The following ZNF444 variants were observed in gnomAD, a reference collection of about 807,000 sequenced individuals.
ZNF444 encodes the protein zinc finger protein 444.
ZNF444 carries 8 observed loss-of-function variants against 14.4 expected under a neutral mutation model. The observed-to-expected ratio is 0.56, with a 90% CI of 0.33 to 1.00. The LOEUF (loss-of-function observed/expected upper bound fraction) is 1.00, where lower values mean the gene tolerates loss of function less well. Ranked by LOEUF, ZNF444 falls within the 50% of genes least tolerant of loss-of-function variation. The pLI is 0.03. For missense variants in ZNF444, 510 were observed against 504.8 expected, an observed-to-expected ratio of 1.01 and a Z score of -0.10; for synonymous variants, 258 against 235.9, an observed-to-expected ratio of 1.09 and a Z score of -0.86.
chr19:56,145,061 T>G lies in ZNF444; in HGVS notation c.-196-1186T>G, dbSNP rs1359745721. On this transcript the variant is annotated intron_variant, in intron 1 of 4. Coordinates refer to ENST00000337080, the MANE Select transcript of ZNF444 (RefSeq NM_018337.4). The surrounding 1 kb of genome is among the most constrained non-coding windows in gnomAD (Gnocchi z 4.3). ...CGGCCGTGGACAGCGCGTGAGCAAG[T>G]GGGCGTGGATGTGCGCCAGTGAGAC... Among the ~76,000 whole-genome samples the G allele has an allele frequency of 6.6e-6, 1 of 152,250 alleles. No homozygotes were observed. Among genetic ancestry groups the G allele is most frequent in the Non-Finnish European group, 1.5e-5 (1 of 68,048 alleles).
At chr19:56,151,617 G>A (rs1230780229) in intron 3 of ZNF444, 1 of 396,864 alleles carries the variant, frequency 2.5e-6, no homozygotes, top group African/African-American at 3.4e-5. Context: ...TGTGGATTGG[G>A]GTTTCTTGGC....
chr19:56,138,792 C>CTTTTTTTTTT (rs59273024), upstream of ZNF444, among the ~76,000 whole-genome samples: 3 of 92,846 alleles, frequency 3.2e-5, no homozygotes, highest in Non-Finnish European at 3.8e-5. Flanking sequence ...CTTGAATGTA[C>CTTTTTTTTTT]TTTTTTTTTT....
In ZNF444 at chr19:56,146,965, C is replaced by A. The variant is rs376596929; in HGVS notation, c.54C>A (p.Ser18=). 1.7e-5 allele frequency: 25 copies of A among 1,442,788 alleles called. No homozygotes were observed. The highest frequency in any genetic ancestry group is 1.1e-4 in the East Asian group (4 of 35,128). The allele number at this position is 1,442,788 out of a possible 1,614,324, so 89.4% of individuals were successfully genotyped here. Residue 18 remains serine, a synonymous_variant, in exon 3 of 5, where the codon TCC becomes TCA. Coordinates refer to ENST00000337080, the MANE Select transcript of ZNF444 (RefSeq NM_018337.4). ...KQEAEGLALD[S]PWHRFRRFHL... ...AGGCCGAGGGCCTGGCGCTGGACTC[C>A]CCGTGGCACCGCTTCCGCCGCTTCC... is the stretch of plus-strand genomic sequence containing the variant.
Position 56,160,229 on chromosome 19 carries a change from C to T in ZNF444, c.*28C>T. ...GCCTCCCGGCCAGCGCCATCTCCCG[C>T]CCTTGGTGCTGCCCCCGGGCGGTAC... On this transcript the variant is annotated 3_prime_UTR_variant, in exon 5 of 5. Transcript: ENST00000337080. 1 of 1,408,968 alleles carries T rather than the reference C, an allele frequency of 7.1e-7. No individual in the cohort carries two copies. Among genetic ancestry groups the T allele is most frequent in the Non-Finnish European group, 9.1e-7 (1 of 1,093,036 alleles). The allele number at this position is 1,408,968 out of a possible 1,614,324, so 87.3% of individuals were successfully genotyped here.
rs1487771035 is a variant in ZNF444, at chr19:56,147,888, C to A, written c.297+680C>A. 6.6e-6 allele frequency among the ~76,000 whole-genome samples: 1 copy of A among 152,158 alleles called. No individual in the cohort carries two copies. The highest frequency in any genetic ancestry group is 2.4e-5 in the African/African-American group (1 of 41,422). ...CACACAGCAGGCAAGGGCCGACTCA[C>A]GTTCTGGGTGAAGTCTTGGTGCACA... On this transcript the variant is annotated intron_variant, in intron 3 of 4. Coordinates refer to ENST00000337080, the MANE Select transcript of ZNF444 (RefSeq NM_018337.4). The surrounding 1 kb of genome is among the most constrained non-coding windows in gnomAD (Gnocchi z 5.9).
At chr19:56,146,790 A>C (rs1441718788) in intron 2 of ZNF444, 100 bp from the exon 3 acceptor site, 1 of 1,002,676 alleles carries the variant, frequency 1.0e-6, no homozygotes, top group African/African-American at 1.7e-5. Context: ...CCGTCTCAAA[A>C]AATAAAAAGT....
chr19:56,159,698 A>G lies in ZNF444; in HGVS notation c.481A>G (p.Ser161Gly). The G allele has an allele frequency of 6.5e-7, 1 of 1,545,110 alleles. No individual in the cohort carries two copies. Among genetic ancestry groups the G allele is most frequent in the Non-Finnish European group, 8.7e-7 (1 of 1,149,866 alleles). Reference protein sequence around the residue: ...QAVRPYKQEPSSPPLAPGLPA... With the variant: ...QAVRPYKQEPGSPPLAPGLPA... ...TGTGCGCCCCTACAAGCAGGAGCCC[A>G]GCAGCCCCCCGCTGGCGCCTGGCCT... Residue 161 changes from serine to glycine, a missense_variant, in exon 5 of 5, where the codon AGC becomes GGC. By Grantham distance (56) the Ser-to-Gly change is moderately conservative. Coordinates refer to ENST00000337080, the MANE Select transcript of ZNF444 (RefSeq NM_018337.4).
chr19:56,146,984 C>A lies in ZNF444; in HGVS notation c.73C>A (p.Arg25Ser). ...ALDSPWHRFR[R>S]FHLGDAPGPR... The stretch of plus-strand genomic sequence containing the variant: ...GGACTCCCCGTGGCACCGCTTCCGC[C>A]GCTTCCACCTGGGCGACGCGCCGGG... Residue 25 changes from arginine (R) to serine (S), a missense_variant, in exon 3 of 5, where the codon CGC (arginine) becomes AGC (serine). Coordinates refer to ENST00000337080, the MANE Select transcript of ZNF444 (RefSeq NM_018337.4). 6.9e-7 allele frequency: 1 copy of A among 1,439,684 alleles called. No homozygotes were observed. Among genetic ancestry groups the A allele is most frequent in the Non-Finnish European group, 9.0e-7 (1 of 1,105,662 alleles). The allele number at this position is 1,439,684 out of a possible 1,614,324, so 89.2% of individuals were successfully genotyped here. A position where few individuals can be genotyped will look rare whatever the true frequency, so the allele number is the denominator to read the frequency against.
intron 1 of ZNF444, among the ~76,000 whole-genome samples, chr19:56,133,390 C>T (rs2030535071): frequency 1.3e-5 from 2 of 152,180 alleles, no homozygotes; most frequent in South Asian, 4.2e-4. Context: ...CCTTCTTGAG[C>T]CTCAGTTTCC....
rs550533251 is a variant in ZNF444, at chr19:56,134,311, A to T, written c.-197+1533A>T. On this transcript the variant is annotated intron_variant, in intron 1 of 2. Transcript: ENST00000587467. ...AGGTATGAGCTAAATTTGCTGTCAA[A>T]GGAATTCTCGCCCTCAGGCCTGGGA... is the stretch of plus-strand genomic sequence containing the variant. Among the ~76,000 whole-genome samples, 4 of 152,266 alleles carry T rather than the reference A, an allele frequency of 2.6e-5. No individual in the cohort carries two copies. In the East Asian group the frequency reaches 7.7e-4, roughly 29 times the overall value.
upstream of ZNF444, among the ~76,000 whole-genome samples, chr19:56,139,548 T>C (rs2030693419): frequency 6.6e-6 from 1 of 152,040 alleles, no homozygotes; most frequent in African/African-American, 2.4e-5. Context: ...TAGCTGGGCA[T>C]GGTGGTGCAC....
Position 56,144,597 on chromosome 19 carries a change from G to A in ZNF444, c.-196-1650G>A, listed in dbSNP as rs949108981. Among the ~76,000 whole-genome samples the A allele has an allele frequency of 6.6e-6, 1 of 152,200 alleles. No homozygotes were observed. Among genetic ancestry groups the A allele is most frequent in the African/African-American group, 2.4e-5 (1 of 41,450 alleles). On this transcript the variant is annotated intron_variant, in intron 1 of 4. Transcript: ENST00000337080. The surrounding 1 kb of genome is among the most constrained non-coding windows in gnomAD (Gnocchi z 4.0). The stretch of plus-strand genomic sequence containing the variant: ...GTCCCAGCAATGAGATGACGTTTGT[G>A]GTTAGTGACATGGCGGTCAGGAGCC...
chr19:56,138,473 A>G (rs1297601069), upstream of ZNF444, among the ~76,000 whole-genome samples: 2 of 148,404 alleles, frequency 1.3e-5, no homozygotes. Context: ...CAAAAAAAAG[A>G]AAAAAAAAAA....
intron 3 of ZNF444, among the ~76,000 whole-genome samples, chr19:56,152,223 T>C (rs1446255118): frequency 6.6e-6 from 1 of 151,608 alleles, no homozygotes; most frequent in Non-Finnish European, 1.5e-5. Context: ...TCCCAGCTAC[T>C]CAGGAAGCTG....
rs766565433 is a variant in ZNF444, at chr19:56,160,087, C to T, written c.870C>T (p.Arg290=). Residue 290 remains arginine (R), a synonymous_variant, in exon 5 of 5, where the codon CGC becomes CGT. Coordinates refer to ENST00000337080, the MANE Select transcript of ZNF444 (RefSeq NM_018337.4). ...AGTGTGGCAAGGGCTTCGGGCGCCG[C>T]GAGCACGTGCTGCGCCACCAGCGCA... ...CWECGKGFGR[R]EHVLRHQRIH... is the part of the protein sequence containing the mutation. 2.7e-6 allele frequency: 4 copies of T among 1,499,092 alleles called. No homozygotes were observed. The highest frequency in any genetic ancestry group is 5.4e-5 in the East Asian group (2 of 37,322). 92.9% of individuals were successfully genotyped at this position (1,499,092 alleles called of 1,614,324 possible).
At chr19:56,139,955 T>C (rs1027786188), upstream of ZNF444, among the ~76,000 whole-genome samples, 2 of 152,112 alleles carry the variant, frequency 1.3e-5, no homozygotes, top group South Asian at 4.1e-4. Context: ...AAGATCAGCG[T>C]GCTCTAGGAG....
rs566360486 is a variant in ZNF444 at position 56,152,873 on chromosome 19, G to T, written c.298-5621G>T. Among the ~76,000 whole-genome samples, 5 of 152,132 alleles carry T rather than the reference G, an allele frequency of 3.3e-5. No homozygotes were observed. In the East Asian group the frequency reaches 9.7e-4, roughly 29 times the overall value. ...TTCATGACCTAATCACCTCCCAAAG[G>T]CCCCACGTAATCTCATTACCTTCAG... is the stretch of plus-strand genomic sequence containing the variant. On this transcript the variant is annotated intron_variant, in intron 3 of 4. Coordinates refer to ENST00000337080, the MANE Select transcript of ZNF444 (RefSeq NM_018337.4).
chr19:56,145,825 G>A lies in ZNF444; in HGVS notation c.-196-422G>A, dbSNP rs1035025631. Among the ~76,000 whole-genome samples, 1 of 152,192 alleles carries A rather than the reference G, an allele frequency of 6.6e-6. No individual in the cohort carries two copies. Among genetic ancestry groups the A allele is most frequent in the Non-Finnish European group, 1.5e-5 (1 of 68,032 alleles). On this transcript the variant is annotated intron_variant, in intron 1 of 4. Coordinates refer to ENST00000337080, the MANE Select transcript of ZNF444 (RefSeq NM_018337.4). This position sits in a 1 kb window ranked among gnomAD's most constrained non-coding sequence, Gnocchi z 4.3. ...ATGAGCTTATTTCTCAGTTCTGGGAGCGGGAAGCTCAGAATGCCATCATGG... is the reference window on the plus strand; with the variant it reads ...ATGAGCTTATTTCTCAGTTCTGGGAACGGGAAGCTCAGAATGCCATCATGG...
chr19:56,154,048 A>T (rs1002329783), intron 3 of ZNF444, among the ~76,000 whole-genome samples: 8 of 152,240 alleles, frequency 5.3e-5, no homozygotes, highest in Non-Finnish European at 1.2e-4. Context: ...AAAGCCGGGG[A>T]TGGAGCGGAT....
Sources: allele counts gnomAD v4.1 joint callset (sites outside exome capture counted in the v4.1 genomes callset), GRCh38; gene constraint gnomAD v4.1.1; non-coding constraint Gnocchi (gnomAD v3.1); transcripts MANE v1.5; gene names NCBI Gene and HGNC (gene_info 2026-07-23, HGNC 2026-07-21).